The following LINS1 variants were observed in gnomAD, a reference collection of about 807,000 sequenced individuals.
LINS1 encodes the protein lines homolog 1.
Under a neutral mutation model 41.6 loss-of-function variants are expected in LINS1, and 27 were observed. That is an observed-to-expected ratio of 0.65 (90% CI 0.48 to 0.89). LINS1 has a LOEUF of 0.89. Among genes scored for constraint, LINS1 ranks in the 40% least tolerant of loss-of-function variants. The probability of loss-of-function intolerance (pLI) is 0.00; values close to 1 mark genes in which losing one functional copy is unlikely to be tolerated. For synonymous variants in LINS1, 336 were observed against 312.9 expected (o/e 1.07, Z -0.78); for missense variants, 955 against 884.1 (o/e 1.08, Z -1.02).
chr15:100,569,428 C>A lies in LINS1; in HGVS notation c.2084G>T (p.Cys695Phe), dbSNP rs2037680729. ...KEFDTAFSFD[C>F]EVAPNDVVSE... The stretch of plus-strand genomic sequence containing the variant: ...GACGACATCATTTGGGGCTACTTCA[C>A]AATCAAAGGAGAAGGCAGTATCAAA... The change falls in exon 7 of 7, where the codon TGT becomes TTT. Residue 695 changes from cysteine to phenylalanine, a missense_variant. Coordinates refer to ENST00000314742, the MANE Select transcript of LINS1 (RefSeq NM_001040616.3). 1 of 1,614,022 alleles carries A rather than the reference C, an allele frequency of 6.2e-7. No homozygotes were observed. The highest frequency in any genetic ancestry group is 1.1e-5 in the South Asian group (1 of 91,088).
At chr15:100,571,871 T>C (rs1208429296) in intron 6 of LINS1, 23 bp downstream of exon 6, 9 of 1,613,800 alleles carry the variant, frequency 5.6e-6, no homozygotes, top group Non-Finnish European at 7.6e-6. Flanking sequence ...GGCCGTTCAA[T>C]AATTACTTTA....
rs140170691 is a variant in LINS1, at chr15:100,590,908, G to C, written c.-103-9963C>G. ...ATAACAATAGTCTCGGCCAGGCATG[G>C]TAGCTCATACCTTTAATCCCAGCAC... On this transcript the variant is annotated intron_variant, in intron 1 of 6. Transcript: ENST00000314742. Among the ~76,000 whole-genome samples the C allele has an allele frequency of 2.4e-3, 369 of 152,298 alleles. 1 individual carries two copies. The highest frequency in any genetic ancestry group is 8.4e-3 in the African/African-American group (351 of 41,560).
At chr15:100,594,970 G>C (rs1345445872) in intron 1 of LINS1, among the ~76,000 whole-genome samples, 1 of 152,164 alleles carries the variant, frequency 6.6e-6, no homozygotes, top group African/African-American at 2.4e-5. Context: ...GGCATCAACA[G>C]TTCATCCACA....
At position 100,573,314 on chromosome 15, in the gene LINS1, TA is replaced by T. The variant is rs111346334; in HGVS notation, c.1222+336del. ...ATGGTCACGCACCTGCAGTTTAGAT[TA>T]AAAAAAAAAAAAGGATTAATATAAA... On this transcript the variant is annotated intron_variant, in intron 5 of 6. Transcript: ENST00000314742. 0.3 allele frequency: 237,924 copies of T among 805,622 alleles called. 1,733 individuals are homozygous for T. The highest frequency in any genetic ancestry group is 0.36 in the East Asian group (5,604 of 15,782). 49.9% of individuals were successfully genotyped at this position (805,622 alleles called of 1,614,324 possible). A position where few individuals can be genotyped will look rare whatever the true frequency, so the allele number is the denominator to read the frequency against.
chr15:100,588,592 T>C (rs544102363), intron 1 of LINS1, among the ~76,000 whole-genome samples: 34 of 152,360 alleles, frequency 2.2e-4, no homozygotes, highest in African/African-American at 7.5e-4. Context: ...AGATATTATG[T>C]TGACTAAATG....
chr15:100,575,622 G>A (rs1356363571), intron 3 of LINS1, among the ~76,000 whole-genome samples: 1 of 152,172 alleles, frequency 6.6e-6, no homozygotes, highest in Non-Finnish European at 1.5e-5. Context: ...CAACGAGACA[G>A]AAAGTTAACA....
intron 6 of LINS1, among the ~76,000 whole-genome samples, chr15:100,571,298 G>A (rs534828060): frequency 6.6e-6 from 1 of 152,244 alleles, no homozygotes; most frequent in Non-Finnish European, 1.5e-5. Flanking sequence ...CAGAAACAGT[G>A]GAAAAGGTCA....
At chr15:100,573,350 G>A (rs1567715718) in intron 5 of LINS1, 3 of 1,195,488 alleles carry the variant, frequency 2.5e-6, no homozygotes, top group East Asian at 3.3e-5. Flanking sequence ...ATAAAATGCT[G>A]TAAATACTTG....
intron 5 of LINS1, 28 bp downstream of exon 5, chr15:100,573,623 T>G (rs1171516404): frequency 1.5e-6 from 2 of 1,308,700 alleles, no homozygotes; most frequent in East Asian, 4.6e-5. Flanking sequence ...AATTACACAC[T>G]GCATACAAAA....
At chr15:100,597,848 A>AT (rs2039313568) in intron 1 of LINS1, among the ~76,000 whole-genome samples, 1 of 152,220 alleles carries the variant, frequency 6.6e-6, no homozygotes, top group Non-Finnish European at 1.5e-5. Context: ...ACAAGATCTG[A>AT]TTTTTCAATT....
At chr15:100,571,800 A>G in intron 6 of LINS1, 94 bp downstream of exon 6, 1 of 1,425,832 alleles carries the variant, frequency 7.0e-7, no homozygotes, top group Non-Finnish European at 9.8e-7. Context: ...CCCCCAAATG[A>G]TGAAAGTAAG....
rs28438569 is a variant in LINS1, at chr15:100,569,153, A to G, written c.*85T>C. ...AAAAAAAAAAAAAGAAAACCCTTTT[A>G]TGGTGATGATTTTATACTATTACCT... On this transcript the variant is annotated 3_prime_UTR_variant, in exon 7 of 7. Transcript: ENST00000314742. 0.41 allele frequency: 324,220 copies of G among 781,654 alleles called. 69,134 individuals carry two copies. Among genetic ancestry groups the G allele is most frequent in the Non-Finnish European group, 0.46 (225,246 of 486,546 alleles). The allele number at this position is 781,654 out of a possible 1,614,324, so 48.4% of individuals were successfully genotyped here.
Position 100,575,025 on chromosome 15 carries a change from A to C in LINS1, c.593T>G (p.Ile198Arg). 6.2e-7 allele frequency: 1 copy of C among 1,613,026 alleles called. No individual in the cohort carries two copies. The highest frequency in any genetic ancestry group is 8.5e-7 in the Non-Finnish European group (1 of 1,179,570). ...IYCLWTLTAI[I>R]KEIFKDSCSQ... ...ACATGAATCTTTAAAGATTTCTTTT[A>C]TTATTGCTGTAAGAGTCCAGAGGCA... The change falls in exon 4 of 7, where the codon ATA becomes AGA. Residue 198 changes from isoleucine to arginine, a missense_variant. Transcript: ENST00000314742.
Position 100,602,145 on chromosome 15 carries a change from T to G in LINS1, c.-128A>C, listed in dbSNP as rs904538384. 6.6e-6 allele frequency: 1 copy of G among 152,208 alleles called. No homozygotes were observed. Among genetic ancestry groups the G allele is most frequent in the African/African-American group, 2.4e-5 (1 of 41,442 alleles). 9.4% of individuals were successfully genotyped at this position (152,208 alleles called of 1,614,324 possible). On this transcript the variant is annotated 5_prime_UTR_variant, in exon 1 of 7. Transcript: ENST00000314742. ...CCTGGGATCTGGCTCAGGCGAACTCTCTTCACACCGCCATTTGAGGGAACA... is the reference window on the plus strand; with the variant it reads ...CCTGGGATCTGGCTCAGGCGAACTCGCTTCACACCGCCATTTGAGGGAACA...
In LINS1 at chr15:100,572,012, GAAGATGAGGCTTT is replaced by G. The variant is rs1291760201; in HGVS notation, c.1263_1275del (p.Leu421PhefsTer19). The G allele has an allele frequency of 1.9e-6, 3 of 1,614,106 alleles. No homozygotes were observed. In the African/African-American group the frequency reaches 4.0e-5, roughly 22 times the overall value. ...GGATTGTGTAATTGCAGAGAGGGCT[GAAGATGAGGCTTT>G]AAGAAGGTCAGTAACTCAGACATGA... On this transcript the variant is annotated frameshift_variant, in exon 6 of 7. Transcript: ENST00000314742. LOFTEE classifies it high-confidence loss of function.
At chr15:100,592,976 G>C (rs1240191885) in intron 1 of LINS1, among the ~76,000 whole-genome samples, 1 of 152,210 alleles carries the variant, frequency 6.6e-6, no homozygotes, top group Middle Eastern at 3.2e-3. Context: ...GGTATTAAAG[G>C]AAAGGACAAA....
intron 5 of LINS1, 143 bp downstream of exon 5, chr15:100,573,508 T>C: frequency 1.3e-6 from 1 of 767,926 alleles, no homozygotes; most frequent in Non-Finnish European, 2.0e-6. Context: ...TTTTTTTTTT[T>C]TGAAAATGTA....
At position 100,567,679 on chromosome 15, in the gene LINS1, A is replaced by G. The variant is rs1294424770; in HGVS notation, c.*1559T>C. The G allele has an allele frequency of 6.6e-6, 1 of 152,212 alleles. No individual in the cohort carries two copies. 9.4% of individuals were successfully genotyped at this position (152,212 alleles called of 1,614,324 possible). ...AAAACCTTAACATTTTTTACAAACTATGTGGCATCCTTGAATACACATTCT... is the reference window on the plus strand; with the variant it reads ...AAAACCTTAACATTTTTTACAAACTGTGTGGCATCCTTGAATACACATTCT... On this transcript the variant is annotated 3_prime_UTR_variant, in exon 7 of 7. Coordinates refer to ENST00000314742, the MANE Select transcript of LINS1 (RefSeq NM_001040616.3).
At position 100,580,570 on chromosome 15, in the gene LINS1, A is replaced by C. The variant is rs1441879489; in HGVS notation, c.273T>G (p.Leu91=). The change falls in exon 2 of 7, where the codon CTT becomes CTG. Residue 91 remains leucine, a synonymous_variant. Coordinates refer to ENST00000314742, the MANE Select transcript of LINS1 (RefSeq NM_001040616.3). ...QMSGSREVML[L]QLTVIKVMTT... Reference sequence around the variant, plus strand: ...TCATCACTTTGATCACTGTTAACTGAAGGAGCATTACTTCTCTGGAACCGC... The same window carrying C: ...TCATCACTTTGATCACTGTTAACTGCAGGAGCATTACTTCTCTGGAACCGC... The C allele has an allele frequency of 6.2e-7, 1 of 1,614,040 alleles. No individual in the cohort carries two copies. Among genetic ancestry groups the C allele is most frequent in the Non-Finnish European group, 8.5e-7 (1 of 1,179,970 alleles).
Sources: allele counts gnomAD v4.1 joint callset (sites outside exome capture counted in the v4.1 genomes callset), GRCh38; gene constraint gnomAD v4.1.1; transcripts MANE v1.5; gene names NCBI Gene and HGNC (gene_info 2026-07-23, HGNC 2026-07-21).